The following NFKBIB variants were observed in gnomAD, a reference collection of about 807,000 sequenced individuals.
The protein encoded by NFKBIB is NFKB inhibitor beta.
In NFKBIB, 16 loss-of-function variants were observed where a neutral mutation model predicts 32.1. The observed-to-expected ratio is 0.50, with a 90% CI of 0.34 to 0.76. NFKBIB has a LOEUF of 0.76. NFKBIB is among the 30% of genes least tolerant of loss of function. The pLI is 0.01. For synonymous variants in NFKBIB, 222 were observed against 219.5 expected, an observed-to-expected ratio of 1.01 and a Z score of -0.10; for missense variants, 437 against 514.9, an observed-to-expected ratio of 0.85 and a Z score of 1.46.
In NFKBIB at chr19:38,904,322, C is replaced by T. The variant is rs12610805; in HGVS notation, c.180-693C>T. On this transcript the variant is annotated intron_variant, in intron 1 of 5. Coordinates refer to ENST00000313582, the MANE Select transcript of NFKBIB (RefSeq NM_002503.5). ...TTCCAGCCTGGCTGGTGGGAACACT[C>T]ACTATTCCTGGCCCTGTGTGAGTAA... 7.2e-5 allele frequency among the ~76,000 whole-genome samples: 11 copies of T among 152,280 alleles called. No homozygotes were observed. In the East Asian group the frequency reaches 1.9e-3, roughly 27 times the overall value.
chr19:38,905,210 G>C lies in NFKBIB; in HGVS notation c.294G>C (p.Leu98=). ...GTCCTCTGCTTCTGCAGACAGCCCT[G>C]CACCTGGCAGCCATCCTGGGGGAGA... ...DLQNDLGQTA[L]HLAAILGETS... Residue 98 remains leucine, a synonymous_variant, in exon 3 of 6, where the codon CTG becomes CTC. Transcript: ENST00000313582. This position sits in a 1 kb window ranked among gnomAD's most constrained non-coding sequence, Gnocchi z 5.5. 1 of 1,593,686 alleles carries C rather than the reference G, an allele frequency of 6.3e-7. No individual in the cohort carries two copies. Among genetic ancestry groups the C allele is most frequent in the Non-Finnish European group, 8.6e-7 (1 of 1,169,574 alleles).
chr19:38,906,069 G>C (rs1457651720), intron 3 of NFKBIB, among the ~76,000 whole-genome samples: 1 of 151,208 alleles, frequency 6.6e-6, no homozygotes, highest in Non-Finnish European at 1.5e-5. Flanking sequence ...ACGTCATTCA[G>C]GACCCAGTGT....
chr19:38,902,366 G>A (rs1052452489), intron 1 of NFKBIB, among the ~76,000 whole-genome samples: 4 of 151,872 alleles, frequency 2.6e-5, no homozygotes, highest in Non-Finnish European at 4.4e-5. Flanking sequence ...CACCGCGCCC[G>A]GCCTCATTTT....
chr19:38,899,940 G>A (rs1166071284), upstream of NFKBIB: 8 of 1,301,196 alleles, frequency 6.1e-6, no homozygotes, highest in South Asian at 1.5e-5. Context: ...GGGGCGTGGT[G>A]GGGAATTTCC....
Position 38,905,710 on chromosome 19 carries a change from A to G in NFKBIB, c.619+175A>G, listed in dbSNP as rs1974098738. 6.6e-6 allele frequency among the ~76,000 whole-genome samples: 1 copy of G among 151,986 alleles called. No homozygotes were observed. Among genetic ancestry groups the G allele is most frequent in the Admixed American group, 6.6e-5 (1 of 15,260 alleles). On this transcript the variant is annotated intron_variant, in intron 3 of 5. Coordinates refer to ENST00000313582, the MANE Select transcript of NFKBIB (RefSeq NM_002503.5). The surrounding 1 kb of genome is among the most constrained non-coding windows in gnomAD (Gnocchi z 5.5). The stretch of plus-strand genomic sequence containing the variant: ...CAGGGCCCAGATGATTGAGAATTGG[A>G]TATGTAGGACCCAGGACCCCCACCT...
chr19:38,902,549 GAAT>G (rs1974001825), intron 1 of NFKBIB, among the ~76,000 whole-genome samples: 2 of 69,872 alleles, frequency 2.9e-5, no homozygotes, highest in Non-Finnish European at 6.0e-5. Flanking sequence ...AAAATCAAAA[GAAT>G]AATAATATTA....
chr19:38,902,419 T>C (rs1204232642), intron 1 of NFKBIB, among the ~76,000 whole-genome samples: 2 of 152,182 alleles, frequency 1.3e-5, no homozygotes, highest in Non-Finnish European at 2.9e-5. Context: ...TTTTGTTATG[T>C]TAGTGGTTGC....
chr19:38,906,332 CG>C lies in NFKBIB; in HGVS notation c.619+801del, dbSNP rs1974116326. Among the ~76,000 whole-genome samples the C allele has an allele frequency of 2.6e-5, 4 of 151,016 alleles. No homozygotes were observed. In the South Asian group the frequency reaches 8.4e-4, roughly 32 times the overall value. On this transcript the variant is annotated intron_variant, in intron 3 of 5. Transcript: ENST00000313582. The stretch of plus-strand genomic sequence containing the variant: ...CTTATTTTTGTATTTTTAGTAGAGA[CG>C]GGGTTTTACCATGTTGACCAGGCTG...
At chr19:38,904,981 A>G (rs1440251612) in intron 1 of NFKBIB, 34 bp from the exon 2 acceptor site, 2 of 1,594,328 alleles carry the variant, frequency 1.3e-6, no homozygotes, top group Non-Finnish European at 1.7e-6. Context: ...AGAGGACTTG[A>G]ACTTTGCCCT....
chr19:38,904,126 T>C (rs1247719149), intron 1 of NFKBIB, among the ~76,000 whole-genome samples: 1 of 151,950 alleles, frequency 6.6e-6, no homozygotes, highest in East Asian at 1.9e-4. Context: ...TATTCTTGAA[T>C]ATTATTCTGG....
chr19:38,902,085 C>CTTTTTTTTTTT lies in NFKBIB; in HGVS notation c.179+1877_179+1887dup, dbSNP rs74176475. ...CTGTATAGTGTTTTTCATTTTATTT[C>CTTTTTTTTTTT]TTTTTTTTTTTTTGAGATGGAGTCT... On this transcript the variant is annotated intron_variant, in intron 1 of 5. Coordinates refer to ENST00000313582, the MANE Select transcript of NFKBIB (RefSeq NM_002503.5). 3.7e-3 allele frequency among the ~76,000 whole-genome samples: 342 copies of CTTTTTTTTTTT among 92,294 alleles called. 60 individuals are homozygous for CTTTTTTTTTTT. The highest frequency in any genetic ancestry group is 0.014 in the Middle Eastern group (2 of 144). The allele number at this position is 92,294 out of a possible 152,430, so 60.5% of individuals were successfully genotyped here.
intron 4 of NFKBIB, 39 bp from the exon 5 acceptor site, chr19:38,907,360 C>T: frequency 6.3e-7 from 1 of 1,596,800 alleles, no homozygotes. Flanking sequence ...GGCTTGTCCC[C>T]TCTTCGGGCC....
intron 5 of NFKBIB, chr19:38,908,266 T>C (rs1974210363): frequency 1.0e-6 from 1 of 991,860 alleles, no homozygotes; most frequent in Admixed American, 6.0e-5. Context: ...TCTGGCCAGG[T>C]GCGGTGGCTC....
intron 5 of NFKBIB, chr19:38,908,514 G>A (rs1364703370): frequency 3.2e-6 from 4 of 1,264,446 alleles, no homozygotes; most frequent in Non-Finnish European, 4.0e-6. Context: ...ATTCCAGCCT[G>A]GGCAACAGAG....
intron 1 of NFKBIB, among the ~76,000 whole-genome samples, chr19:38,903,315 A>G (rs1026290807): frequency 4.0e-5 from 6 of 151,530 alleles, no homozygotes; most frequent in Non-Finnish European, 5.9e-5. Context: ...ACGGAGTCTC[A>G]CTCTGTTGCC....
Position 38,905,124 on chromosome 19 carries a change from A to G in NFKBIB, c.285+4A>G. On this transcript the variant is annotated splice_donor_region_variant and intron_variant, in intron 2 of 5. Coordinates refer to ENST00000313582, the MANE Select transcript of NFKBIB (RefSeq NM_002503.5). This position sits in a 1 kb window ranked among gnomAD's most constrained non-coding sequence, Gnocchi z 5.5. ...CCTGCAGAATGACCTAGGCCAGGTGAGCCACGAGGGATGGTGTAGGGCTTG... is the reference window on the plus strand; with the variant it reads ...CCTGCAGAATGACCTAGGCCAGGTGGGCCACGAGGGATGGTGTAGGGCTTG... 6.2e-7 allele frequency: 1 copy of G among 1,614,080 alleles called. No homozygotes were observed. Among genetic ancestry groups the G allele is most frequent in the Non-Finnish European group, 8.5e-7 (1 of 1,179,972 alleles).
Position 38,908,649 on chromosome 19 carries a change from C to T in NFKBIB, c.970-82C>T, listed in dbSNP as rs1974230481. The T allele has an allele frequency of 4.0e-6, 6 of 1,485,896 alleles. No individual in the cohort carries two copies. The East Asian group carries it at 1.3e-4, about 32-fold the overall frequency. 92.0% of individuals were successfully genotyped at this position (1,485,896 alleles called of 1,614,324 possible). A position where few individuals can be genotyped will look rare whatever the true frequency, so the allele number is the denominator to read the frequency against. On this transcript the variant is annotated intron_variant, in intron 5 of 5. Transcript: ENST00000313582. ...TTGGGCTTTGAGGCGAGACCTAATT[C>T]TTAGGGTGCTCTATGAGGACATGGG...
upstream of NFKBIB, chr19:38,899,693 G>A: frequency 1.0e-6 from 1 of 953,638 alleles, no homozygotes; most frequent in South Asian, 1.4e-5. Flanking sequence ...AGCAGACATT[G>A]CGGCCGCAGA....
chr19:38,900,557 A>C (rs1425870147), intron 1 of NFKBIB, among the ~76,000 whole-genome samples: 4 of 152,144 alleles, frequency 2.6e-5, no homozygotes, highest in African/African-American at 9.7e-5. Context: ...TTTGATTCTT[A>C]GTTCCCGATT....
Sources: allele counts gnomAD v4.1 joint callset (sites outside exome capture counted in the v4.1 genomes callset), GRCh38; gene constraint gnomAD v4.1.1; non-coding constraint Gnocchi (gnomAD v3.1); transcripts MANE v1.5; gene names NCBI Gene and HGNC (gene_info 2026-07-23, HGNC 2026-07-21).